The following FADS2 variants were observed in gnomAD, a reference collection of about 807,000 sequenced individuals.
The protein encoded by FADS2 is fatty acid desaturase 2.
FADS2 carries 18 observed loss-of-function variants against 61.2 expected under a neutral mutation model. The observed-to-expected ratio is 0.29, with a 90% CI of 0.20 to 0.44. The LOEUF (loss-of-function observed/expected upper bound fraction) is 0.44, where lower values mean the gene tolerates loss of function less well. FADS2 is among the 20% of genes least tolerant of loss of function. The pLI, the probability that FADS2 is intolerant of heterozygous loss-of-function variation, is 1.00. For synonymous variants in FADS2, 203 were observed against 223.9 expected (o/e 0.91, Z 0.83); for missense variants, 322 against 572.7 (o/e 0.56, Z 4.47).
At chr11:61,823,539 G>A (rs1045035119), upstream of FADS2, among the ~76,000 whole-genome samples, 1 of 152,152 alleles carries the variant, frequency 6.6e-6, no homozygotes, top group African/African-American at 2.4e-5. Context: ...TTGAGACAGG[G>A]TCTTGCTCTG....
chr11:61,816,917 C>T lies in FADS2; in HGVS notation c.141+491C>T. On this transcript the variant is annotated intron_variant, in intron 1 of 11. Coordinates refer to the FADS2 transcript ENST00000257261. The surrounding 1 kb of genome is among the most constrained non-coding windows in gnomAD (Gnocchi z 7.0). The stretch of plus-strand genomic sequence containing the variant: ...CAGGGCAGACCGGCGGGCCTCGCAG[C>T]GCGCGTTCCCATTGGCCGAGCCTCG... The T allele has an allele frequency of 2.1e-6, 3 of 1,399,962 alleles. No homozygotes were observed. The highest frequency in any genetic ancestry group is 2.8e-6 in the Non-Finnish European group (3 of 1,087,734). 86.7% of individuals were successfully genotyped at this position (1,399,962 alleles called of 1,614,324 possible).
intron 7 of FADS2, among the ~76,000 whole-genome samples, chr11:61,858,124 C>T (rs2067379860): frequency 6.6e-6 from 1 of 152,196 alleles, no homozygotes; most frequent in African/African-American, 2.4e-5. Flanking sequence ...CTCGGTACAT[C>T]ATCTCTCTGC....
upstream of FADS2, among the ~76,000 whole-genome samples, chr11:61,823,813 G>A (rs1004292530): frequency 2.3e-4 from 35 of 152,076 alleles, 1 homozygote; most frequent in Non-Finnish European, 1.2e-4. Context: ...CACCACGCCT[G>A]GCCTAACCCA....
At chr11:61,824,043 T>C (rs2067050856), upstream of FADS2, among the ~76,000 whole-genome samples, 2 of 152,140 alleles carry the variant, frequency 1.3e-5, no homozygotes, top group Admixed American at 1.3e-4. Context: ...TCACATACCT[T>C]GTGTCCTTTG....
chr11:61,826,362 C>G (rs748715431), upstream of FADS2: 1 of 702,516 alleles, frequency 1.4e-6, no homozygotes, highest in Admixed American at 2.0e-5. Flanking sequence ...AGCCACCCTA[C>G]ACAGGCCACC....
chr11:61,833,278 G>C (rs548344370), intron 1 of FADS2, among the ~76,000 whole-genome samples: 40 of 152,314 alleles, frequency 2.6e-4, no homozygotes, highest in African/African-American at 9.6e-4. Flanking sequence ...GATAGAGCCT[G>C]GTTCCAATTC....
intron 1 of FADS2, chr11:61,817,051 G>A (rs2066992922): frequency 8.7e-7 from 1 of 1,148,394 alleles, no homozygotes; most frequent in Non-Finnish European, 1.1e-6. Flanking sequence ...CGCCGGATTC[G>A]ACTTCCTGAC....
chr11:61,853,209 G>A (rs1169268894), intron 5 of FADS2, among the ~76,000 whole-genome samples: 1 of 151,710 alleles, frequency 6.6e-6, no homozygotes, highest in African/African-American at 2.4e-5. Flanking sequence ...CAGAAAAAAA[G>A]TGTAGTCACT....
At chr11:61,827,219 C>T (rs754154733), upstream of FADS2, among the ~76,000 whole-genome samples, 1 of 152,204 alleles carries the variant, frequency 6.6e-6, no homozygotes, top group African/African-American at 2.4e-5. The surrounding 1 kb of genome is among the most constrained non-coding windows in gnomAD (Gnocchi z 4.5). Flanking sequence ...CCTAACCCTC[C>T]TCCTATCCCT....
At chr11:61,823,072 A>T (rs370901110) in intron 1 of FADS2, among the ~76,000 whole-genome samples, 42 of 152,290 alleles carry the variant, frequency 2.8e-4, no homozygotes, top group East Asian at 2.7e-3. Flanking sequence ...GTTTTACTGC[A>T]CTTCTTATCA....
rs142002603 is a variant in FADS2 at position 61,819,655 on chromosome 11, A to G, written c.141+3229A>G. Among the ~76,000 whole-genome samples the G allele has an allele frequency of 3.3e-5, 5 of 152,374 alleles. No individual in the cohort carries two copies. In the East Asian group the frequency reaches 9.6e-4, roughly 29 times the overall value. ...AATGCCCATCAGTGAAATATTTTGC[A>G]GACATTGAAAATAATGTCATCTTTC... On this transcript the variant is annotated intron_variant, in intron 1 of 11. Transcript: ENST00000257261.
Position 61,828,382 on chromosome 11 carries a change from G to A in FADS2, c.-9G>A, listed in dbSNP as rs550250849. The A allele has an allele frequency of 2.5e-5, 39 of 1,555,382 alleles. No individual in the cohort carries two copies. The highest frequency in any genetic ancestry group is 3.3e-5 in the Non-Finnish European group (38 of 1,150,120). The stretch of plus-strand genomic sequence containing the variant: ...CGCAGTGCACGGGGCGTCACAGTCG[G>A]CAGGCAGCATGGGGAAGGGAGGGAA... On this transcript the variant is annotated 5_prime_UTR_variant, in exon 1 of 12. Coordinates refer to ENST00000278840, the MANE Select transcript of FADS2 (RefSeq NM_004265.4). This position sits in a 1 kb window ranked among gnomAD's most constrained non-coding sequence, Gnocchi z 6.4.
intron 1 of FADS2, among the ~76,000 whole-genome samples, chr11:61,820,750 T>C (rs1159565899): frequency 6.6e-6 from 1 of 151,900 alleles, no homozygotes; most frequent in Non-Finnish European, 1.5e-5. Flanking sequence ...AATACAAAAA[T>C]TAGCCGGGTG....
At chr11:61,834,200 G>A (rs578000400) in intron 1 of FADS2, among the ~76,000 whole-genome samples, 17 of 152,338 alleles carry the variant, frequency 1.1e-4, no homozygotes, top group African/African-American at 2.9e-4. Flanking sequence ...GTTCAAGGGC[G>A]GTCCGCACCA....
Position 61,837,867 on chromosome 11 carries a change from C to T in FADS2, c.297C>T (p.Pro99=). ...LLIGELAPEE[P]SQDHGKNSKI... Reference sequence around the variant, plus strand: ...TTGGTGAACTGGCCCCGGAGGAGCCCAGCCAGGACCACGGCAAGAACGTAA... The same window carrying T: ...TTGGTGAACTGGCCCCGGAGGAGCCTAGCCAGGACCACGGCAAGAACGTAA... The change falls in exon 2 of 12, where the codon CCC becomes CCT. Residue 99 remains proline (P), a synonymous_variant. Transcript: ENST00000278840. 1 of 1,613,284 alleles carries T rather than the reference C, an allele frequency of 6.2e-7. No homozygotes were observed. Among genetic ancestry groups the T allele is most frequent in the Non-Finnish European group, 8.5e-7 (1 of 1,179,496 alleles).
At chr11:61,820,877 G>GAGGC (rs2135947119) in intron 1 of FADS2, among the ~76,000 whole-genome samples, 1 of 152,264 alleles carries the variant, frequency 6.6e-6, no homozygotes, top group South Asian at 2.1e-4. Flanking sequence ...TCCAGCCTGG[G>GAGGC]TGACAGAGCC....
upstream of FADS2, chr11:61,826,139 T>C (rs1159170813): frequency 1.4e-6 from 1 of 702,640 alleles, no homozygotes; most frequent in East Asian, 2.7e-5. Flanking sequence ...TCCTCCATGG[T>C]AAAGTCCTCC....
chr11:61,863,906 C>T (rs1030969953), intron 10 of FADS2, 120 bp downstream of exon 10: 4 of 830,610 alleles, frequency 4.8e-6, no homozygotes, highest in South Asian at 3.1e-5. Flanking sequence ...AAGGTCTCTG[C>T]CCAATATAGA....
chr11:61,840,791 C>A (rs1394886562), intron 4 of FADS2, 66 bp downstream of exon 4: 1 of 1,224,852 alleles, frequency 8.2e-7, no homozygotes, highest in African/African-American at 1.5e-5. Context: ...GACCAGGATT[C>A]CTCTCTGCTC....
Sources: allele counts gnomAD v4.1 joint callset (sites outside exome capture counted in the v4.1 genomes callset), GRCh38; gene constraint gnomAD v4.1.1; non-coding constraint Gnocchi (gnomAD v3.1); transcripts MANE v1.5; gene names NCBI Gene and HGNC (gene_info 2026-07-23, HGNC 2026-07-21).